PSMD1: variants seen among roughly 807,000 people sequenced by gnomAD.
The protein encoded by PSMD1 is proteasome 26S subunit, non-ATPase 1, also known as 26S proteasome non-ATPase regulatory subunit 1.
In PSMD1, 18 loss-of-function variants were observed where a neutral mutation model predicts 119.0. The ratio of observed to expected loss-of-function variants is 0.15; its 90% CI spans 0.10 to 0.22. The LOEUF (loss-of-function observed/expected upper bound fraction) is 0.22. Ranked by LOEUF, PSMD1 falls within the 10% of genes least tolerant of loss-of-function variation. The probability of loss-of-function intolerance (pLI) is 1.00; values close to 1 mark genes in which losing one functional copy is unlikely to be tolerated. For missense variants in PSMD1, 702 were observed against 1,158.5 expected (o/e 0.61, Z 5.72); for synonymous variants, 374 against 396.6 (o/e 0.94, Z 0.68).
intron 16 of PSMD1, among the ~76,000 whole-genome samples, chr2:231,121,979 AT>A (rs779784064): frequency 0.17 from 25,132 of 152,064 alleles, 2,207 homozygotes; most frequent in Non-Finnish European, 0.17. Context: ...TACAGTATTT[AT>A]CAAATATGCA....
At chr2:231,164,983 T>A in intron 21 of PSMD1, 1 of 125,348 alleles carries the variant, frequency 8.0e-6, no homozygotes, top group Non-Finnish European at 1.7e-5. Flanking sequence ...GTAAATTATT[T>A]CAGTAAATGT....
intron 16 of PSMD1, among the ~76,000 whole-genome samples, chr2:231,087,935 C>T (rs1445011642): frequency 6.6e-6 from 1 of 151,636 alleles, no homozygotes; most frequent in Admixed American, 6.6e-5. Context: ...GCACTCCAGC[C>T]TGGGGTGACA....
Position 231,062,599 on chromosome 2 carries a change from G to A in PSMD1, c.228G>A (p.Glu76=). 1.2e-6 allele frequency: 2 copies of A among 1,613,576 alleles called. No homozygotes were observed. The highest frequency in any genetic ancestry group is 1.7e-6 in the Non-Finnish European group (2 of 1,179,828). ...TTTATCACCTGGGGGCTTTTGAGGA[G>A]TCTCTGAATTATGCTCTTGGAGCAG... ...KVFYHLGAFE[E]SLNYALGAGD... Residue 76 remains glutamate, a synonymous_variant, in exon 4 of 25, where the codon GAG becomes GAA. Transcript: ENST00000308696.
At position 231,108,671 on chromosome 2, in the gene PSMD1, T is replaced by C. The variant is rs773323123; in HGVS notation, c.1883+21490T>C. The stretch of plus-strand genomic sequence containing the variant: ...AGGGTTAATCCCATTTCGAATTCCA[T>C]GTTTCTTGAAAAACTTAGAGTTCTC... On this transcript the variant is annotated intron_variant, in intron 16 of 24. Coordinates refer to ENST00000308696, the MANE Select transcript of PSMD1 (RefSeq NM_002807.4). The C allele has an allele frequency of 3.1e-6, 5 of 1,614,054 alleles. No homozygotes were observed. In the Admixed American group the frequency reaches 8.3e-5, roughly 27 times the overall value.
At chr2:231,108,998 G>T in intron 16 of PSMD1, 1 of 1,614,156 alleles carries the variant, frequency 6.2e-7, no homozygotes, top group Non-Finnish European at 8.5e-7. Context: ...GACCTTTGAG[G>T]CTCTCTGTTC....
At chr2:231,134,964 T>C (rs1695935619) in intron 16 of PSMD1, among the ~76,000 whole-genome samples, 1 of 152,232 alleles carries the variant, frequency 6.6e-6, no homozygotes, top group Non-Finnish European at 1.5e-5. Context: ...TTGTCTCTTA[T>C]TAAGTAATAA....
chr2:231,169,531 C>G (rs1471782560), intron 23 of PSMD1, among the ~76,000 whole-genome samples: 3 of 152,066 alleles, frequency 2.0e-5, no homozygotes, highest in South Asian at 4.2e-4. Context: ...GGAAATAGTT[C>G]GGAGTTCACG....
chr2:231,146,813 A>G (rs1696262769), intron 18 of PSMD1, among the ~76,000 whole-genome samples: 1 of 152,244 alleles, frequency 6.6e-6, no homozygotes, highest in South Asian at 2.1e-4. Flanking sequence ...AGAAATGAGT[A>G]CATCCACATT....
chr2:231,102,366 A>G (rs1356311440), intron 16 of PSMD1, among the ~76,000 whole-genome samples: 2 of 152,194 alleles, frequency 1.3e-5, no homozygotes, highest in Non-Finnish European at 2.9e-5. Flanking sequence ...GGGAGTTAGC[A>G]TCACTGACCC....
chr2:231,161,599 T>A, intron 20 of PSMD1, 90 bp downstream of exon 20: 1 of 1,325,410 alleles, frequency 7.5e-7, no homozygotes, highest in Non-Finnish European at 1.0e-6. Context: ...TTCCATTAAA[T>A]TTTAAAGATG....
chr2:231,066,009 T>C lies in PSMD1; in HGVS notation c.305-897T>C, dbSNP rs1193732982. ...ACACAAATGCTATTGCCTATAGTAT[T>C]CAATACACTAATATGCTATACAGGT... is the stretch of plus-strand genomic sequence containing the variant. On this transcript the variant is annotated intron_variant, in intron 4 of 24. Transcript: ENST00000308696. Among the ~76,000 whole-genome samples, 5 of 152,234 alleles carry C rather than the reference T, an allele frequency of 3.3e-5. 1 individual carries two copies. Among genetic ancestry groups the C allele is most frequent in the African/African-American group, 1.2e-4 (5 of 41,456 alleles).
At chr2:231,066,379 T>G (rs1693911306) in intron 4 of PSMD1, among the ~76,000 whole-genome samples, 1 of 152,248 alleles carries the variant, frequency 6.6e-6, no homozygotes, top group Admixed American at 6.5e-5. Flanking sequence ...TATACTACTA[T>G]GTGATAATTG....
At chr2:231,115,472 A>G (rs920091565) in intron 16 of PSMD1, among the ~76,000 whole-genome samples, 1 of 152,208 alleles carries the variant, frequency 6.6e-6, no homozygotes, top group African/African-American at 2.4e-5. Flanking sequence ...GAAAGAATAA[A>G]TGATTGGGAC....
intron 8 of PSMD1, 105 bp from the exon 9 acceptor site, chr2:231,076,929 A>G: frequency 1.0e-6 from 1 of 977,400 alleles, no homozygotes; most frequent in South Asian, 2.1e-5. Flanking sequence ...TTCTCTTAAA[A>G]TGGACTGAAT....
chr2:231,101,940 A>G (rs1354674833), intron 16 of PSMD1, among the ~76,000 whole-genome samples: 1 of 152,168 alleles, frequency 6.6e-6, no homozygotes, highest in Non-Finnish European at 1.5e-5. Flanking sequence ...GCAAAACTGT[A>G]GAATAGCAGA....
chr2:231,100,812 G>A (rs1032590458), intron 16 of PSMD1, among the ~76,000 whole-genome samples: 1 of 152,190 alleles, frequency 6.6e-6, no homozygotes, highest in Non-Finnish European at 1.5e-5. Flanking sequence ...GTTGTCCCAT[G>A]ATGAAACCCT....
At chr2:231,088,780 G>T (rs979903476) in intron 16 of PSMD1, among the ~76,000 whole-genome samples, 2 of 152,184 alleles carry the variant, frequency 1.3e-5, no homozygotes, top group African/African-American at 4.8e-5. Context: ...TTAAGTGAAA[G>T]AGAGAGTCCC....
intron 20 of PSMD1, chr2:231,162,961 T>C (rs577071412): frequency 6.6e-6 from 1 of 151,918 alleles, no homozygotes; most frequent in African/African-American, 2.4e-5. Context: ...TAGCCGGGCA[T>C]GGTGGCGGGC....
rs1694367586 is a variant in PSMD1 at position 231,083,708 on chromosome 2, T to C, written c.1667T>C (p.Met556Thr). 1.2e-6 allele frequency: 2 copies of C among 1,614,188 alleles called. No individual in the cohort carries two copies. Among genetic ancestry groups the C allele is most frequent in the East Asian group, 2.2e-5 (1 of 44,860 alleles). The change falls in exon 14 of 25, where the codon ATG becomes ACG. Residue 556 changes from methionine (M) to threonine (T), a missense_variant. Transcript: ENST00000308696. The part of the protein sequence containing the change: ...RGLAVGIALV[M>T]YGRMEEADAL... ...CTTGCAGTTGGCATAGCTTTAGTAA[T>C]GTATGGGAGGATGGAAGAGGCTGAT...
Sources: allele counts gnomAD v4.1 joint callset (sites outside exome capture counted in the v4.1 genomes callset), GRCh38; gene constraint gnomAD v4.1.1; transcripts MANE v1.5; gene names NCBI Gene and HGNC (gene_info 2026-07-23, HGNC 2026-07-21).